SAP18: variants seen among roughly 807,000 people sequenced by gnomAD.
SAP18 encodes the protein Sin3A associated protein 18, also known as histone deacetylase complex subunit SAP18.
SAP18 carries 4 observed loss-of-function variants against 18.6 expected under a neutral mutation model. That is an observed-to-expected ratio of 0.21 (90% CI 0.11 to 0.49). SAP18 has a LOEUF of 0.49. Among genes scored for constraint, SAP18 ranks in the 20% least tolerant of loss-of-function variants. The probability of loss-of-function intolerance (pLI) is 0.98; values close to 1 mark genes in which losing one functional copy is unlikely to be tolerated. For synonymous variants in SAP18, 112 were observed against 82.8 expected (o/e 1.35, Z -1.92); for missense variants, 170 against 226.4 (o/e 0.75, Z 1.60).
intron 2 of SAP18, among the ~76,000 whole-genome samples, chr13:21,145,775 T>TC (rs968583495): frequency 4.6e-5 from 7 of 151,972 alleles, no homozygotes; most frequent in African/African-American, 1.7e-4. Context: ...CGCCTTGGCC[T>TC]CCCAAAGTGC....
At chr13:21,144,960 A>G (rs951804735) in intron 2 of SAP18, among the ~76,000 whole-genome samples, 1 of 152,218 alleles carries the variant, frequency 6.6e-6, no homozygotes, top group African/African-American at 2.4e-5. Context: ...GTATCAGAAT[A>G]TAGACTGAGC....
At chr13:21,143,252 T>A (rs1434959998) in intron 2 of SAP18, among the ~76,000 whole-genome samples, 1 of 152,236 alleles carries the variant, frequency 6.6e-6, no homozygotes, top group East Asian at 1.9e-4. Context: ...TACTGGGTCA[T>A]ATGTTAACTT....
chr13:21,145,427 T>C (rs563718542), intron 2 of SAP18, among the ~76,000 whole-genome samples: 1 of 152,332 alleles, frequency 6.6e-6, no homozygotes, highest in African/African-American at 2.4e-5. Context: ...ATACTGAACC[T>C]ATAATTGATA....
exon 1 of SAP18, chr13:21,140,569 T>A (rs374776695): frequency 3.7e-6 from 6 of 1,600,250 alleles, no homozygotes; most frequent in Non-Finnish European, 5.1e-6. Context: ...GCTGCAGGGG[T>A]CGGAGGTCAG....
chr13:21,145,842 C>G (rs1471829831), intron 2 of SAP18, among the ~76,000 whole-genome samples: 1 of 152,088 alleles, frequency 6.6e-6, no homozygotes, highest in Non-Finnish European at 1.5e-5. Flanking sequence ...TAGGTTATTT[C>G]TAAGATGCTT....
At chr13:21,143,389 CCTTA>C (rs1486506669) in intron 2 of SAP18, among the ~76,000 whole-genome samples, 1 of 152,114 alleles carries the variant, frequency 6.6e-6, no homozygotes, top group Admixed American at 6.6e-5. Flanking sequence ...AAGATTGGGA[CCTTA>C]CTTGTCTTAT....
exon 4 of SAP18, chr13:21,147,512 CTG>C (rs1361697145): frequency 4.7e-5 from 30 of 636,242 alleles, no homozygotes; most frequent in Admixed American, 1.3e-4. Context: ...TACGAATAGT[CTG>C]TATGTTTCAA....
At chr13:21,147,414 TG>T in exon 4 of SAP18, 1 of 1,340,022 alleles carries the variant, frequency 7.5e-7, no homozygotes, top group Non-Finnish European at 1.0e-6. Context: ...CTTCCTCCCC[TG>T]ATTATTGCCA....
At chr13:21,140,556 C>G in exon 1 of SAP18, 3 of 1,590,490 alleles carry the variant, frequency 1.9e-6, no homozygotes, top group South Asian at 1.1e-5. Flanking sequence ...AGTGCTCATG[C>G]TCGCTGCAGG....
rs377680306 is a variant in SAP18, at chr13:21,141,018, A to C, written c.239+23A>C. The stretch of plus-strand genomic sequence containing the variant: ...TTGGTGAGGAGGGCGGGGTGGCCTC[A>C]GGGACCCGGGCCGGGAACCTGGAAC... On this transcript the variant is annotated intron_variant, in intron 2 of 3. Coordinates refer to ENST00000621421, the Ensembl canonical transcript of SAP18. 8.0e-6 allele frequency: 12 copies of C among 1,502,558 alleles called. No individual in the cohort carries two copies. The East Asian group carries it at 2.5e-4, about 31-fold the overall frequency. The allele number at this position is 1,502,558 out of a possible 1,614,324, so 93.1% of individuals were successfully genotyped here.
chr13:21,146,556 T>A, intron 2 of SAP18: 1 of 291,822 alleles, frequency 3.4e-6, no homozygotes, highest in Non-Finnish European at 6.4e-6. Flanking sequence ...GCATATAGAA[T>A]CTCTGAAGTC....
At chr13:21,141,628 A>G (rs1869466099) in intron 2 of SAP18, 2 of 154,032 alleles carry the variant, frequency 1.3e-5, no homozygotes, top group Non-Finnish European at 2.9e-5. Flanking sequence ...GCTTTTTAGT[A>G]TAAGTAAAAG....
chr13:21,141,982 T>C (rs539752804), intron 2 of SAP18, among the ~76,000 whole-genome samples: 3 of 151,328 alleles, frequency 2.0e-5, no homozygotes, highest in South Asian at 2.1e-4. Context: ...AAATTTTTTA[T>C]TGTGATGAAA....
chr13:21,147,304 C>A (rs778859731), exon 4 of SAP18: 4 of 1,613,968 alleles, frequency 2.5e-6, no homozygotes, highest in Non-Finnish European at 2.5e-6. Context: ...CCCTCCAAAT[C>A]GGGCACCACC....
At chr13:21,144,496 C>A (rs1869578055) in intron 2 of SAP18, among the ~76,000 whole-genome samples, 2 of 146,092 alleles carry the variant, frequency 1.4e-5, no homozygotes, top group Admixed American at 1.4e-4. Flanking sequence ...ATTGTCAAAT[C>A]TGTAGGGCAG....
chr13:21,141,310 A>AG, intron 2 of SAP18: 1 of 376,382 alleles, frequency 2.7e-6, no homozygotes, highest in South Asian at 2.6e-5. Flanking sequence ...TCTGCCCTAA[A>AG]GGGACTCATA....
chr13:21,146,990 C>G, intron 3 of SAP18, 63 bp downstream of exon 3: 3 of 1,514,224 alleles, frequency 2.0e-6, no homozygotes, highest in Non-Finnish European at 1.8e-6. Context: ...TTAACTGATA[C>G]AGATAACTCC....
chr13:21,144,278 G>A (rs1429523756), intron 2 of SAP18, among the ~76,000 whole-genome samples: 3 of 151,926 alleles, frequency 2.0e-5, no homozygotes, highest in African/African-American at 7.3e-5. Flanking sequence ...GGTGGCGGGT[G>A]CCTGTAATCC....
At chr13:21,142,513 G>A (rs1390638429) in intron 2 of SAP18, among the ~76,000 whole-genome samples, 3 of 151,436 alleles carry the variant, frequency 2.0e-5, no homozygotes, top group Non-Finnish European at 4.4e-5. Context: ...TTTTAGTAGA[G>A]ACAGGGTTTC....
Sources: gnomAD v4.1 joint callset for allele counts (sites outside exome capture counted in the v4.1 genomes callset) on GRCh38, gnomAD v4.1.1 for gene constraint, MANE v1.5 for transcripts, NCBI Gene and HGNC (gene_info 2026-07-23, HGNC 2026-07-21) for gene names.